EPM2A: variants seen among roughly 807,000 people sequenced by gnomAD.
EPM2A encodes EPM2A glucan phosphatase, laforin, also known as laforin.
A neutral mutation model predicts 26.5 loss-of-function variants in EPM2A; 21 were observed. That is an observed-to-expected ratio of 0.79 (90% confidence interval 0.56 to 1.14). EPM2A has a LOEUF of 1.14. EPM2A is among the 50% of genes most tolerant of loss of function. The pLI is 0.00. For synonymous variants in EPM2A, 217 were observed against 177.6 expected (o/e 1.22, Z -1.76); for missense variants, 458 against 440.8 (o/e 1.04, Z -0.35).
At chr6:145,670,972 AT>A (rs1779595562) in intron 2 of EPM2A, 1 of 983,954 alleles carries the variant, frequency 1.0e-6, no homozygotes, top group South Asian at 4.7e-5. Flanking sequence ...GATATGAACA[AT>A]TGTAATCTTG....
chr6:145,408,760 A>G (rs1160796769), intron 4 of EPM2A, among the ~76,000 whole-genome samples: 1 of 152,104 alleles, frequency 6.6e-6, no homozygotes. Flanking sequence ...ATTTCTCACA[A>G]TTCTGGAGGC....
chr6:145,579,924 T>C (rs1781089925), intron 2 of EPM2A, among the ~76,000 whole-genome samples: 1 of 152,172 alleles, frequency 6.6e-6, no homozygotes, highest in Non-Finnish European at 1.5e-5. Flanking sequence ...ATTCAAGTGA[T>C]ATTATAATAA....
intron 4 of EPM2A, among the ~76,000 whole-genome samples, chr6:145,450,225 T>C (rs1201929036): frequency 6.6e-6 from 1 of 150,536 alleles, no homozygotes; most frequent in Non-Finnish European, 1.5e-5. Context: ...TGGTGGCGGG[T>C]GCCTGTAGTT....
At chr6:145,412,516 T>C (rs1778657896) in intron 4 of EPM2A, among the ~76,000 whole-genome samples, 1 of 152,322 alleles carries the variant, frequency 6.6e-6, no homozygotes, top group East Asian at 1.9e-4. Context: ...ACTGATTTTG[T>C]AGAATTAATT....
chr6:145,416,516 C>A (rs928285945), intron 4 of EPM2A, among the ~76,000 whole-genome samples: 1 of 151,938 alleles, frequency 6.6e-6, no homozygotes, highest in Non-Finnish European at 1.5e-5. Context: ...CAATGACTTG[C>A]AAGAATTAAA....
chr6:145,397,654 T>C (rs370086942), intron 4 of EPM2A, among the ~76,000 whole-genome samples: 3 of 152,278 alleles, frequency 2.0e-5, no homozygotes, highest in African/African-American at 7.2e-5. Flanking sequence ...AACTCCAACC[T>C]GGTGGTTACA....
chr6:145,683,269 GT>G (rs1297465194), intron 2 of EPM2A, among the ~76,000 whole-genome samples: 10 of 2,706 alleles, frequency 3.7e-3, no homozygotes, highest in African/African-American at 6.8e-3. Context: ...CCAGGATTTG[GT>G]GTGTGTGTGT....
At chr6:145,489,489 T>C in intron 4 of EPM2A, 1 of 545,196 alleles carries the variant, frequency 1.8e-6, no homozygotes, top group East Asian at 3.2e-5. Flanking sequence ...AGGAATCAAT[T>C]TGTTTCAACA....
At chr6:145,676,384 A>C (rs1780041308) in intron 2 of EPM2A, among the ~76,000 whole-genome samples, 1 of 152,230 alleles carries the variant, frequency 6.6e-6, no homozygotes, top group Non-Finnish European at 1.5e-5. Context: ...GCAAGAGCAA[A>C]CAAATTCAAA....
chr6:145,510,010 G>C (rs1290056522), intron 2 of EPM2A, among the ~76,000 whole-genome samples: 2 of 151,906 alleles, frequency 1.3e-5, no homozygotes, highest in African/African-American at 4.8e-5. Flanking sequence ...TAACAATAAA[G>C]GGTTCCGTTC....
chr6:145,589,190 T>A (rs558792906), intron 2 of EPM2A, among the ~76,000 whole-genome samples: 2 of 152,172 alleles, frequency 1.3e-5, no homozygotes, highest in Admixed American at 6.5e-5. Flanking sequence ...GTCTGAGCCA[T>A]CTGGAGCTGA....
chr6:145,627,727 A>G, intron 3 of EPM2A, 34 bp from the exon 4 acceptor site: 1 of 1,610,908 alleles, frequency 6.2e-7, no homozygotes, highest in Non-Finnish European at 8.5e-7. Flanking sequence ...ACATGTGAAT[A>G]ACTAAACCAC....
rs1301704275 is a variant in EPM2A at position 145,625,785 on chromosome 6, A to G, written c.*1631T>C. The G allele has an allele frequency of 3.6e-6, 5 of 1,404,942 alleles. No homozygotes were observed. Among genetic ancestry groups the G allele is most frequent in the Non-Finnish European group, 5.0e-6 (5 of 1,000,056 alleles). 87.0% of individuals were successfully genotyped at this position (1,404,942 alleles called of 1,614,324 possible). A position where few individuals can be genotyped will look rare whatever the true frequency, so the allele number is the denominator to read the frequency against. ...CACAGTTCTATCTCCCCGTCCTCTG[A>G]GCTCCACTGAAACTTACCTTGTATC... On this transcript the variant is annotated 3_prime_UTR_variant, in exon 4 of 4. Transcript: ENST00000367519.
intron 1 of EPM2A, among the ~76,000 whole-genome samples, chr6:145,702,069 G>A (rs1344627750): frequency 6.6e-6 from 1 of 151,978 alleles, no homozygotes; most frequent in African/African-American, 2.4e-5. Context: ...AATCATCTCT[G>A]CCCAACAGCA....
intron 2 of EPM2A, among the ~76,000 whole-genome samples, chr6:145,602,024 T>C (rs1781423275): frequency 6.6e-6 from 1 of 152,198 alleles, no homozygotes; most frequent in African/African-American, 2.4e-5. Context: ...GTCATACCTG[T>C]ATAAATGCTC....
chr6:145,697,507 T>C (rs899137793), intron 1 of EPM2A, among the ~76,000 whole-genome samples: 2 of 152,116 alleles, frequency 1.3e-5, no homozygotes, highest in Admixed American at 1.3e-4. Context: ...TGACCAAAAA[T>C]TTATTAGGCG....
intron 2 of EPM2A, among the ~76,000 whole-genome samples, chr6:145,553,518 T>C (rs1303118652): frequency 6.6e-6 from 1 of 151,988 alleles, no homozygotes; most frequent in Non-Finnish European, 1.5e-5. Flanking sequence ...TTGCCCAGGG[T>C]AGACACTGCT....
At chr6:145,725,832 T>C (rs1256140537) in intron 1 of EPM2A, among the ~76,000 whole-genome samples, 1 of 152,028 alleles carries the variant, frequency 6.6e-6, no homozygotes, top group African/African-American at 2.4e-5. Flanking sequence ...AATGAGACTA[T>C]CATAATGAAT....
At chr6:145,513,718 C>A (rs2114765744) in intron 2 of EPM2A, among the ~76,000 whole-genome samples, 1 of 152,288 alleles carries the variant, frequency 6.6e-6, no homozygotes, top group Non-Finnish European at 1.5e-5. Context: ...TGATGAAGTA[C>A]TTACTTAAAT....
Sources: gnomAD v4.1 joint callset for allele counts (sites outside exome capture counted in the v4.1 genomes callset) on GRCh38, gnomAD v4.1.1 for gene constraint, MANE v1.5 for transcripts, NCBI Gene and HGNC (gene_info 2026-07-23, HGNC 2026-07-21) for gene names.